The following AUTS2 variants were observed in gnomAD, a reference collection of about 807,000 sequenced individuals.
AUTS2 encodes the protein activator of transcription and developmental regulator AUTS2.
Under a neutral mutation model 112.4 loss-of-function variants are expected in AUTS2, and 17 were observed. That is an observed-to-expected ratio of 0.15 (90% CI 0.10 to 0.23). The LOEUF (loss-of-function observed/expected upper bound fraction) is 0.23, where lower values mean the gene tolerates loss of function less well. Ranked by LOEUF, AUTS2 falls within the 10% of genes least tolerant of loss-of-function variation. The probability of loss-of-function intolerance (pLI) is 1.00; values close to 1 mark genes in which losing one functional copy is unlikely to be tolerated. For missense variants in AUTS2, 1,510 were observed against 1,701.6 expected (o/e 0.89, Z 1.98); for synonymous variants, 751 against 702.7 (o/e 1.07, Z -1.09).
chr7:69,985,704 A>G (rs1798483587), intron 2 of AUTS2, among the ~76,000 whole-genome samples: 1 of 151,498 alleles, frequency 6.6e-6, no homozygotes, highest in Admixed American at 6.6e-5. Flanking sequence ...TCTTAACTCA[A>G]ACATTAGCTC....
chr7:69,924,582 G>A (rs1053984145), intron 2 of AUTS2, among the ~76,000 whole-genome samples: 6 of 127,538 alleles, frequency 4.7e-5, no homozygotes, highest in African/African-American at 1.8e-4. Context: ...ACAGAGTTTT[G>A]CTCTTGTTGC....
chr7:70,421,876 C>G (rs896319850), intron 4 of AUTS2, among the ~76,000 whole-genome samples: 4 of 152,198 alleles, frequency 2.6e-5, no homozygotes, highest in African/African-American at 9.7e-5. Flanking sequence ...AAACTTGAGA[C>G]TGGCAAACCA....
intron 5 of AUTS2, among the ~76,000 whole-genome samples, chr7:70,469,743 C>A (rs12531095): frequency 0.027 from 4,116 of 152,276 alleles, 121 homozygotes; most frequent in Admixed American, 0.094. Context: ...TGGGTTCAAG[C>A]GATTCTCCTG....
At chr7:70,690,089 C>T (rs1427353911) in intron 5 of AUTS2, among the ~76,000 whole-genome samples, 1 of 152,192 alleles carries the variant, frequency 6.6e-6, no homozygotes, top group Non-Finnish European at 1.5e-5. Context: ...GGTGTGGCTC[C>T]TGTTATCTCA....
intron 2 of AUTS2, among the ~76,000 whole-genome samples, chr7:70,062,170 ATTG>A (rs1802280195): frequency 6.6e-6 from 1 of 151,684 alleles, no homozygotes; most frequent in Non-Finnish European, 1.5e-5. Flanking sequence ...AAATATTCTT[ATTG>A]TTGTTTTTTT....
chr7:70,039,256 A>G (rs144785684), intron 2 of AUTS2, among the ~76,000 whole-genome samples: 44 of 152,222 alleles, frequency 2.9e-4, no homozygotes, highest in African/African-American at 9.9e-4. Context: ...TACAAAGGGG[A>G]TCCATATTCT....
chr7:69,621,541 G>A (rs1562765276), intron 1 of AUTS2, among the ~76,000 whole-genome samples: 1 of 152,124 alleles, frequency 6.6e-6, no homozygotes, highest in Non-Finnish European at 1.5e-5. Flanking sequence ...ACAGGGATGT[G>A]GAACCCAGGT....
intron 1 of AUTS2, among the ~76,000 whole-genome samples, chr7:69,786,860 T>G (rs903320453): frequency 3.9e-5 from 6 of 152,222 alleles, no homozygotes; most frequent in Admixed American, 3.9e-4. Context: ...GACATCAGAG[T>G]ATACTACACT....
chr7:70,299,402 G>T (rs1160011026), intron 4 of AUTS2, among the ~76,000 whole-genome samples: 1 of 152,162 alleles, frequency 6.6e-6, no homozygotes, highest in African/African-American at 2.4e-5. Context: ...AATGATTTTG[G>T]TCGGATATTC....
At chr7:70,077,130 T>G (rs985027954) in intron 2 of AUTS2, among the ~76,000 whole-genome samples, 14 of 152,272 alleles carry the variant, frequency 9.2e-5, no homozygotes, top group South Asian at 2.1e-4. Flanking sequence ...TTTCTAACAA[T>G]TTGAGCTGTC....
At chr7:70,371,308 G>T (rs1444223320) in intron 4 of AUTS2, among the ~76,000 whole-genome samples, 9 of 152,214 alleles carry the variant, frequency 5.9e-5, no homozygotes, top group Admixed American at 5.9e-4. Context: ...CACAGTGAGG[G>T]TTGAAAGACA....
At chr7:70,396,386 T>A (rs1207969639) in intron 4 of AUTS2, among the ~76,000 whole-genome samples, 1 of 152,148 alleles carries the variant, frequency 6.6e-6, no homozygotes, top group East Asian at 1.9e-4. Context: ...AGATTTTTTT[T>A]TTTTTTTGGA....
chr7:69,905,275 A>C (rs1176567901), intron 2 of AUTS2, among the ~76,000 whole-genome samples: 2 of 152,202 alleles, frequency 1.3e-5, no homozygotes, highest in Non-Finnish European at 2.9e-5. Flanking sequence ...ATTTAGTAAA[A>C]ATTGACTATG....
chr7:70,360,923 C>T (rs1014038532), intron 4 of AUTS2, among the ~76,000 whole-genome samples: 1 of 152,216 alleles, frequency 6.6e-6, no homozygotes, highest in Non-Finnish European at 1.5e-5. Context: ...AAAGTCCTCT[C>T]TCTATAAGCC....
At chr7:70,664,445 G>C (rs1807227952) in intron 5 of AUTS2, among the ~76,000 whole-genome samples, 1 of 152,162 alleles carries the variant, frequency 6.6e-6, no homozygotes, top group East Asian at 1.9e-4. Flanking sequence ...TGTCTGAGCA[G>C]CTGTACTGAA....
intron 4 of AUTS2, among the ~76,000 whole-genome samples, chr7:70,408,464 G>A (rs1405486808): frequency 6.6e-6 from 1 of 152,164 alleles, no homozygotes; most frequent in Non-Finnish European, 1.5e-5. Context: ...AGTAAGGAAT[G>A]GAGGAAGATA....
chr7:69,896,444 A>G (rs939802142), intron 1 of AUTS2, among the ~76,000 whole-genome samples: 1 of 151,870 alleles, frequency 6.6e-6, no homozygotes, highest in Non-Finnish European at 1.5e-5. Context: ...GTTATCTTTG[A>G]TATCTTCTTA....
intron 16 of AUTS2, chr7:70,785,575 C>T (rs1291047001): frequency 2.2e-6 from 1 of 449,006 alleles, no homozygotes; most frequent in African/African-American, 2.0e-5. Flanking sequence ...ATAGGCACGC[C>T]CTCAGAGTTT....
chr7:70,581,609 T>C (rs1285286436), intron 5 of AUTS2, among the ~76,000 whole-genome samples: 1 of 152,144 alleles, frequency 6.6e-6, no homozygotes, highest in Non-Finnish European at 1.5e-5. Flanking sequence ...CACGCCACTT[T>C]GGAAATGTAT....
Sources: gnomAD v4.1 joint callset for allele counts (sites outside exome capture counted in the v4.1 genomes callset) on GRCh38, gnomAD v4.1.1 for gene constraint, MANE v1.5 for transcripts, NCBI Gene and HGNC (gene_info 2026-07-23, HGNC 2026-07-21) for gene names.